The following KIF13A variants were observed in gnomAD, a reference collection of about 807,000 sequenced individuals.
The protein encoded by KIF13A is kinesin-like protein KIF13A.
KIF13A carries 79 observed loss-of-function variants against 212.2 expected under a neutral mutation model. That is an observed-to-expected ratio of 0.37 (90% CI 0.31 to 0.45). KIF13A has a LOEUF of 0.45. KIF13A is among the 20% of genes least tolerant of loss of function. The pLI is 1.00. For synonymous variants in KIF13A, 789 were observed against 808.6 expected (o/e 0.98, Z 0.41); for missense variants, 1,901 against 2,209.0 (o/e 0.86, Z 2.79).
chr6:17,983,563 G>A (rs1158615664), intron 2 of KIF13A, among the ~76,000 whole-genome samples: 2 of 148,492 alleles, frequency 1.3e-5, no homozygotes, highest in African/African-American at 5.0e-5. Context: ...CACGATCTCA[G>A]CTCACGGCAA....
chr6:17,850,833 C>T lies in KIF13A; in HGVS notation c.583-376G>A, dbSNP rs1005056341. Among the ~76,000 whole-genome samples the T allele has an allele frequency of 2.0e-5, 3 of 152,178 alleles. No individual in the cohort carries two copies. Among genetic ancestry groups the T allele is most frequent in the African/African-American group, 7.2e-5 (3 of 41,436 alleles). ...CCGCTGATGCCTGCCTGTCTGCCTC[C>T]CTCCTCCAATACTGTGGCTCCCTGA... On this transcript the variant is annotated intron_variant, in intron 7 of 38. Coordinates refer to ENST00000259711, the MANE Select transcript of KIF13A (RefSeq NM_022113.6). This position sits in a 1 kb window ranked among gnomAD's most constrained non-coding sequence, Gnocchi z 6.2.
Position 17,764,896 on chromosome 6 carries a change from T to C in KIF13A, c.4632A>G (p.Ile1544Met), listed in dbSNP as rs373629019. 12 of 1,613,636 alleles carry C rather than the reference T, an allele frequency of 7.4e-6. No homozygotes were observed. Among genetic ancestry groups the C allele is most frequent in the South Asian group, 5.5e-5 (5 of 91,020 alleles). ...NELEAINRKL[I>M]SSQPYVPVEF... ...CCACAGGTACATAAGGCTGTGAACT[T>C]ATTAGCTTCCTGTTAATAGCTTCCA... Residue 1544 changes from isoleucine (I) to methionine (M), a missense_variant, in exon 39 of 39, where the codon ATA becomes ATG. This residue lies in a region of KIF13A where 687 missense variants were observed against 759.1 expected (regional missense o/e 0.90). Coordinates refer to ENST00000259711, the MANE Select transcript of KIF13A (RefSeq NM_022113.6). The surrounding 1 kb of genome is among the most constrained non-coding windows in gnomAD (Gnocchi z 5.1).
intron 11 of KIF13A, among the ~76,000 whole-genome samples, chr6:17,835,969 C>T (rs1018256174): frequency 1.3e-5 from 2 of 152,162 alleles, no homozygotes; most frequent in East Asian, 1.9e-4. Context: ...GTGTCAGATA[C>T]ACTCCCAAGT....
chr6:17,831,311 A>T, intron 12 of KIF13A, 76 bp from the exon 13 acceptor site: 1 of 1,522,722 alleles, frequency 6.6e-7, no homozygotes, highest in Non-Finnish European at 8.9e-7. Context: ...GGAAAGAGTA[A>T]GTCACTGTTT....
intron 2 of KIF13A, among the ~76,000 whole-genome samples, chr6:17,933,278 G>A (rs929934747): frequency 3.9e-5 from 6 of 152,108 alleles, no homozygotes; most frequent in Admixed American, 1.3e-4. Flanking sequence ...AAGAAAGAGT[G>A]CATACCAACT....
At chr6:17,766,218 A>AGATTGATTGATT (rs1561945545) in intron 38 of KIF13A, among the ~76,000 whole-genome samples, 1 of 78,992 alleles carries the variant, frequency 1.3e-5, no homozygotes, top group African/African-American at 5.3e-5. Flanking sequence ...TTTATTTTTA[A>AGATTGATTGATT]GATTTATTTA....
chr6:17,873,033 C>T (rs1335643936), intron 4 of KIF13A, among the ~76,000 whole-genome samples: 1 of 152,098 alleles, frequency 6.6e-6, no homozygotes, highest in African/African-American at 2.4e-5. Flanking sequence ...CAAATGCTTC[C>T]CTCTGGAACT....
intron 2 of KIF13A, among the ~76,000 whole-genome samples, chr6:17,981,615 G>T (rs2150642141): frequency 6.6e-6 from 1 of 151,632 alleles, no homozygotes; most frequent in Admixed American, 6.6e-5. Flanking sequence ...GTAGATATGG[G>T]GTTTCACAAT....
At chr6:17,969,927 CTTT>C (rs144578023) in intron 2 of KIF13A, among the ~76,000 whole-genome samples, 3 of 145,272 alleles carry the variant, frequency 2.1e-5, no homozygotes, top group African/African-American at 2.5e-5. Context: ...CTTGTGTTTT[CTTT>C]TTTTTTTTTT....
At chr6:17,927,642 A>G (rs1213623553) in intron 2 of KIF13A, among the ~76,000 whole-genome samples, 1 of 152,232 alleles carries the variant, frequency 6.6e-6, no homozygotes, top group African/African-American at 2.4e-5. Flanking sequence ...TGAATTGTAC[A>G]CTTTTAAACG....
chr6:17,906,986 T>C (rs970173780), intron 2 of KIF13A, among the ~76,000 whole-genome samples: 1 of 152,168 alleles, frequency 6.6e-6, no homozygotes, highest in Non-Finnish European at 1.5e-5. Context: ...AAACCTAACA[T>C]TTCAGAGGTA....
intron 2 of KIF13A, among the ~76,000 whole-genome samples, chr6:17,946,802 C>T (rs1270144606): frequency 6.6e-6 from 1 of 152,154 alleles, no homozygotes; most frequent in Non-Finnish European, 1.5e-5. Context: ...CCCAAATGTC[C>T]ATCAACAATG....
chr6:17,873,422 A>G lies in KIF13A; in HGVS notation c.175T>C (p.Tyr59His). Residue 59 changes from tyrosine to histidine, a missense_variant, in exon 4 of 39, where the codon TAT (tyrosine) becomes CAT (histidine). Tyr to His is a moderately conservative substitution (Grantham distance 83). This residue lies in a region of KIF13A where 506 missense variants were observed against 637.4 expected (regional missense o/e 0.79). Coordinates refer to ENST00000259711, the MANE Select transcript of KIF13A (RefSeq NM_022113.6). ...GATTCATCCATGGACCAAAAGCAAT[A>G]ATCAAAGGCAAATACCTGAATGAAA... ...RKPPKVFAFD[Y>H]CFWSMDESNT... The G allele has an allele frequency of 1.3e-6, 2 of 1,588,076 alleles. No homozygotes were observed. Among genetic ancestry groups the G allele is most frequent in the Non-Finnish European group, 1.7e-6 (2 of 1,165,750 alleles).
Position 17,837,104 on chromosome 6 carries a change from C to G in KIF13A, c.943-14G>C, listed in dbSNP as rs986643432. On this transcript the variant is annotated splice_polypyrimidine_tract_variant and intron_variant, in intron 10 of 38. Transcript: ENST00000259711. The surrounding 1 kb of genome is among the most constrained non-coding windows in gnomAD (Gnocchi z 5.4). ...CCCCAAGTTGTCCTGCCAAGTATTT[C>G]AAACAGCATCTTAGGAAGCCCATTC... 2 of 1,610,538 alleles carry G rather than the reference C, an allele frequency of 1.2e-6. No individual in the cohort carries two copies. The highest frequency in any genetic ancestry group is 1.7e-6 in the Non-Finnish European group (2 of 1,177,144).
intron 2 of KIF13A, among the ~76,000 whole-genome samples, chr6:17,966,241 C>G (rs1015753154): frequency 6.6e-6 from 1 of 152,062 alleles, no homozygotes; most frequent in Non-Finnish European, 1.5e-5. Context: ...AAAGTCAACT[C>G]ATAAAAATTA....
chr6:17,948,722 G>A (rs370205726), intron 2 of KIF13A, among the ~76,000 whole-genome samples: 282 of 151,644 alleles, frequency 1.9e-3, no homozygotes, highest in African/African-American at 6.4e-3. Context: ...CACCATGCCC[G>A]GCTAATTTTT....
chr6:17,760,573 A>C, downstream of KIF13A: 1 of 543,914 alleles, frequency 1.8e-6, no homozygotes, highest in East Asian at 3.0e-5. Flanking sequence ...GTGTGTAGTA[A>C]GTGCAAAAAA....
chr6:17,881,639 G>A (rs1266568430), intron 3 of KIF13A: 7 of 350,118 alleles, frequency 2.0e-5, no homozygotes, highest in Middle Eastern at 1.0e-3. Flanking sequence ...GGAGGTTGCA[G>A]TGAGCTGCGA....
At position 17,839,071 on chromosome 6, in the gene KIF13A, T is replaced by G. The variant is rs1207858682; in HGVS notation, c.831-1488A>C. Among the ~76,000 whole-genome samples, 1 of 152,198 alleles carries G rather than the reference T, an allele frequency of 6.6e-6. No individual in the cohort carries two copies. The highest frequency in any genetic ancestry group is 1.5e-5 in the Non-Finnish European group (1 of 68,032). On this transcript the variant is annotated intron_variant, in intron 9 of 38. Coordinates refer to ENST00000259711, the MANE Select transcript of KIF13A (RefSeq NM_022113.6). The surrounding 1 kb of genome is among the most constrained non-coding windows in gnomAD (Gnocchi z 4.3). ...CTGATCTCAGGTGATCCACCCATCC[T>G]GGCATCCCAAAGTGCTGGGATTATA...
Sources: allele counts gnomAD v4.1 joint callset (sites outside exome capture counted in the v4.1 genomes callset), GRCh38; gene constraint gnomAD v4.1.1; regional missense constraint gnomAD v4.1.1; non-coding constraint Gnocchi (gnomAD v3.1); transcripts MANE v1.5; gene names NCBI Gene and HGNC (gene_info 2026-07-23, HGNC 2026-07-21).